The following OR5V1 variants were observed in gnomAD, a reference collection of about 807,000 sequenced individuals.
OR5V1 encodes olfactory receptor 5V1.
For missense variants in OR5V1, 365 were observed against 371.5 expected, an observed-to-expected ratio of 0.98 and a Z score of 0.14; for synonymous variants, 134 against 143.2, an observed-to-expected ratio of 0.94 and a Z score of 0.46.
chr6:29,366,590 T>A (rs1402361302), intron 1 of OR5V1, among the ~76,000 whole-genome samples: 1 of 152,088 alleles, frequency 6.6e-6, no homozygotes, highest in Non-Finnish European at 1.5e-5. Context: ...ACTAATTTCC[T>A]GCATGTAGAA....
intron 1 of OR5V1, among the ~76,000 whole-genome samples, chr6:29,367,829 T>C (rs772518003): frequency 3.3e-5 from 5 of 152,160 alleles, no homozygotes; most frequent in Admixed American, 6.5e-5. Flanking sequence ...CACAGAGTTA[T>C]AGGAAAATTA....
At position 29,354,211 on chromosome 6, in the gene OR5V1, T is replaced by A. The variant is rs1053514116; in HGVS notation, c.*1019A>T. On this transcript the variant is annotated 3_prime_UTR_variant, in exon 2 of 2. Transcript: ENST00000641768. ...ATCTCTTAGGCTCTTACATTGTATG[T>A]TATTTATTTTCCCTTCTTGGTATCT... 6.6e-6 allele frequency: 1 copy of A among 152,024 alleles called. No homozygotes were observed. The highest frequency in any genetic ancestry group is 2.4e-5 in the African/African-American group (1 of 41,420). The allele number at this position is 152,024 out of a possible 1,614,324, so 9.4% of individuals were successfully genotyped here. A position where few individuals can be genotyped will look rare whatever the true frequency, so the allele number is the denominator to read the frequency against.
At chr6:29,364,108 A>G (rs1360154999) in intron 1 of OR5V1, among the ~76,000 whole-genome samples, 2 of 152,174 alleles carry the variant, frequency 1.3e-5, no homozygotes, top group Non-Finnish European at 2.9e-5. Context: ...CTCAGGATAC[A>G]AAATCAATGT....
chr6:29,354,589 C>G lies in OR5V1; in HGVS notation c.*641G>C, dbSNP rs185350057. ...TTGGGGACTTAGTTTTAGAAAAATC[C>G]CTCAGGAAATTCTGCCTTTTGAATA... On this transcript the variant is annotated 3_prime_UTR_variant, in exon 2 of 2. Transcript: ENST00000641768. The G allele has an allele frequency of 6.6e-6, 1 of 151,990 alleles. No homozygotes were observed. The highest frequency in any genetic ancestry group is 1.5e-5 in the Non-Finnish European group (1 of 67,956). 9.4% of individuals were successfully genotyped at this position (151,990 alleles called of 1,614,324 possible). A position where few individuals can be genotyped will look rare whatever the true frequency, so the allele number is the denominator to read the frequency against.
rs1778301391 is a variant in OR5V1 at position 29,356,216 on chromosome 6, C to T, written c.-21G>A. On this transcript the variant is annotated 5_prime_UTR_variant, in exon 2 of 2. The change abolishes the stop of an existing upstream ORF in the 5' untranslated region. Coordinates refer to ENST00000641768, the MANE Select transcript of OR5V1 (RefSeq NM_030876.6). The stretch of plus-strand genomic sequence containing the variant: ...TCCATGATGTCGCCTGGTTTCCTTT[C>T]AGGAATTGGGCAAAGAGAAGACCAG... 1 of 1,541,858 alleles carries T rather than the reference C, an allele frequency of 6.5e-7. No homozygotes were observed. The highest frequency in any genetic ancestry group is 1.3e-5 in the South Asian group (1 of 75,746).
rs548741385 is a variant in OR5V1 at position 29,356,140 on chromosome 6, T to C, written c.56A>G (p.Asn19Ser). Residue 19 changes from asparagine to serine, a missense_variant, in exon 2 of 2, where the codon AAC (asparagine) becomes AGC (serine). By Grantham distance (46) the Asn-to-Ser change is conservative (BLOSUM62 1). Coordinates refer to ENST00000641768, the MANE Select transcript of OR5V1 (RefSeq NM_030876.6). ...TAGTAAAAACTGCAATTCATTTAGG[T>C]TGGAGAATCCCAAGATGATGAATTC... is the stretch of plus-strand genomic sequence containing the variant. ...ITEFIILGFS[N>S]LNELQFLLFT... 6.2e-7 allele frequency: 1 copy of C among 1,609,392 alleles called. No individual in the cohort carries two copies. Among genetic ancestry groups the C allele is most frequent in the East Asian group, 2.2e-5 (1 of 44,854 alleles).
At position 29,355,004 on chromosome 6, in the gene OR5V1, A is replaced by C. The variant is rs1184974698; in HGVS notation, c.*226T>G. 7.4e-6 allele frequency: 3 copies of C among 404,666 alleles called. No individual in the cohort carries two copies. The highest frequency in any genetic ancestry group is 1.3e-5 in the Non-Finnish European group (3 of 232,624). 25.1% of individuals were successfully genotyped at this position (404,666 alleles called of 1,614,324 possible). A position where few individuals can be genotyped will look rare whatever the true frequency, so the allele number is the denominator to read the frequency against. On this transcript the variant is annotated 3_prime_UTR_variant, in exon 2 of 2. Coordinates refer to ENST00000641768, the MANE Select transcript of OR5V1 (RefSeq NM_030876.6). ...AAAGAGGGAAACAGTCTTTGAATGC[A>C]AAATTCAGGAATGGAAAAATAAATA...
At chr6:29,366,613 G>A (rs1778867951) in intron 1 of OR5V1, among the ~76,000 whole-genome samples, 1 of 128,720 alleles carries the variant, frequency 7.8e-6, no homozygotes. Context: ...TAAACTATGA[G>A]ACTAAGAAGG....
Position 29,355,701 on chromosome 6 carries a change from G to T in OR5V1, c.495C>A (p.Cys165Ter), listed in dbSNP as rs758961622. 1 of 1,613,904 alleles carries T rather than the reference G, an allele frequency of 6.2e-7. No individual in the cohort carries two copies. The highest frequency in any genetic ancestry group is 1.3e-5 in the African/African-American group (1 of 74,934). Residue 165 changes from cysteine to a stop codon, truncating the protein, a stop_gained, in exon 2 of 2, where the codon TGC (cysteine) becomes TGA (stop). Coordinates refer to ENST00000641768, the MANE Select transcript of OR5V1 (RefSeq NM_030876.6). LOFTEE classifies it low-confidence loss of function (END_TRUNC). ...TCTGATTGTTGCCACAGAAGGGCAGGCAGAATGTCAACACTGTATGCACCA... is the reference window on the plus strand; with the variant it reads ...TCTGATTGTTGCCACAGAAGGGCAGTCAGAATGTCAACACTGTATGCACCA... ...NSVVHTVLTF[C>*]LPFCGNNQIN...
chr6:29,356,231 G>C lies in OR5V1; in HGVS notation c.-36C>G, dbSNP rs1219686942. The stretch of plus-strand genomic sequence containing the variant: ...GGTTTCCTTTCAGGAATTGGGCAAA[G>C]AGAAGACCAGATTATAAAAATGAAT... On this transcript the variant is annotated 5_prime_UTR_variant, in exon 2 of 2. Coordinates refer to ENST00000641768, the MANE Select transcript of OR5V1 (RefSeq NM_030876.6). 1.3e-6 allele frequency: 2 copies of C among 1,530,526 alleles called. No individual in the cohort carries two copies. Among genetic ancestry groups the C allele is most frequent in the South Asian group, 1.3e-5 (1 of 74,360 alleles). The allele number at this position is 1,530,526 out of a possible 1,614,324, so 94.8% of individuals were successfully genotyped here. A position where few individuals can be genotyped will look rare whatever the true frequency, so the allele number is the denominator to read the frequency against.
chr6:29,360,599 G>A (rs564539164), intron 1 of OR5V1, among the ~76,000 whole-genome samples: 10 of 152,182 alleles, frequency 6.6e-5, no homozygotes, highest in South Asian at 2.1e-4. Context: ...AATAGTTGCC[G>A]TTCTGCAGCC....
chr6:29,359,988 A>G (rs925345849), intron 1 of OR5V1, among the ~76,000 whole-genome samples: 1 of 152,298 alleles, frequency 6.6e-6, no homozygotes, highest in East Asian at 1.9e-4. Flanking sequence ...TCCCACTCCT[A>G]TGGAGCCCAG....
intron 1 of OR5V1, among the ~76,000 whole-genome samples, chr6:29,360,098 T>C (rs1291091869): frequency 6.6e-6 from 1 of 152,050 alleles, no homozygotes; most frequent in African/African-American, 2.4e-5. Flanking sequence ...CATCCACCAT[T>C]AGTGAGGCTT....
At chr6:29,363,244 A>C (rs1778664097) in intron 1 of OR5V1, among the ~76,000 whole-genome samples, 4 of 152,224 alleles carry the variant, frequency 2.6e-5, no homozygotes, top group Admixed American at 2.6e-4. Context: ...CCAAGCCTAA[A>C]CCAGGAAGAA....
In OR5V1 at chr6:29,355,911, C is replaced by T. The variant is rs1243011847; in HGVS notation, c.285G>A (p.Val95=). 1.2e-6 allele frequency: 2 copies of T among 1,614,046 alleles called. No homozygotes were observed. Among genetic ancestry groups the T allele is most frequent in the South Asian group, 1.1e-5 (1 of 91,084 alleles). The stretch of plus-strand genomic sequence containing the variant: ...ATGCAAAAAGTTGAACCACACACCC[C>T]ACATAAGAAATGCTTTTTTTCTTTG... ...LLSKKKSISY[V]GCVVQLFAFV... Residue 95 remains valine (V), a synonymous_variant, in exon 2 of 2, where the codon GTG becomes GTA. Transcript: ENST00000641768.
At position 29,355,748 on chromosome 6, in the gene OR5V1, C is replaced by T. The variant is rs775055276; in HGVS notation, c.448G>A (p.Ala150Thr). The change falls in exon 2 of 2, where the codon GCT (alanine) becomes ACT (threonine). Residue 150 changes from alanine (A) to threonine (T), a missense_variant. Ala to Thr is a moderately conservative substitution (Grantham distance 58). Transcript: ENST00000641768. ...ACCACTGAGTTAAGGAAACCAGCAG[C>T]CCAGCATGAGGCTGCTAATTGATTG... ...LCNQLAASCW[A>T]AGFLNSVVHT... is the part of the protein sequence containing the mutation. 3.1e-6 allele frequency: 5 copies of T among 1,614,042 alleles called. No individual in the cohort carries two copies. The highest frequency in any genetic ancestry group is 4.2e-6 in the Non-Finnish European group (5 of 1,179,962).
chr6:29,360,955 T>G (rs893176820), intron 1 of OR5V1, among the ~76,000 whole-genome samples: 6 of 152,096 alleles, frequency 3.9e-5, no homozygotes, highest in African/African-American at 1.4e-4. Context: ...TTCACAGAAG[T>G]AGGCTTCAGA....
chr6:29,366,169 G>A (rs772727494), intron 1 of OR5V1, among the ~76,000 whole-genome samples: 4 of 152,080 alleles, frequency 2.6e-5, no homozygotes, highest in Non-Finnish European at 4.4e-5. Context: ...AGGTGGCAAG[G>A]GGAGGGAGAG....
Position 29,355,383 on chromosome 6 carries a change from ATCTT to A in OR5V1, c.809_812del (p.Lys270IlefsTer15), listed in dbSNP as rs1340139336. ...CACTGTACAACACTGAAACCAACCT[ATCTT>A]TCTTTAATGAGTAAGTTGAGATGGG... is the stretch of plus-strand genomic sequence containing the variant. On this transcript the variant is annotated frameshift_variant, in exon 2 of 2. Transcript: ENST00000641768. LOFTEE classifies it low-confidence loss of function (END_TRUNC). 1.2e-6 allele frequency: 2 copies of A among 1,613,892 alleles called. No individual in the cohort carries two copies. Among genetic ancestry groups the A allele is most frequent in the African/African-American group, 2.7e-5 (2 of 74,914 alleles).
Sources: allele counts gnomAD v4.1 joint callset (sites outside exome capture counted in the v4.1 genomes callset), GRCh38; gene constraint gnomAD v4.1.1; transcripts MANE v1.5; gene names NCBI Gene and HGNC (gene_info 2026-07-23, HGNC 2026-07-21).